Variants in CD8B observed in about 807,000 individuals in gnomAD.
The protein encoded by CD8B is CD8 subunit beta, also known as T-cell surface glycoprotein CD8 beta chain.
A neutral mutation model predicts 24.2 loss-of-function variants in CD8B; 6 were observed. The ratio of observed to expected loss-of-function variants is 0.25; its 90% CI spans 0.14 to 0.49. The LOEUF is 0.49. Ranked by LOEUF, CD8B falls within the 20% of genes least tolerant of loss-of-function variation. The probability of loss-of-function intolerance (pLI) is 0.98; values close to 1 mark genes in which losing one functional copy is unlikely to be tolerated. For synonymous variants in CD8B, 84 were observed against 108.3 expected (o/e 0.78, Z 1.39); for missense variants, 196 against 271.3 (o/e 0.72, Z 1.95).
At chr2:86,847,627 G>A (rs1167917044) in intron 3 of CD8B, among the ~76,000 whole-genome samples, 5 of 151,954 alleles carry the variant, frequency 3.3e-5, no homozygotes, top group African/African-American at 1.2e-4. Flanking sequence ...GTGCAGTGGC[G>A]CAATCTTGGC....
At chr2:86,821,568 G>A in intron 5 of CD8B, among the ~76,000 whole-genome samples, 1 of 152,196 alleles carries the variant, frequency 6.6e-6, no homozygotes, top group African/African-American at 2.4e-5. Context: ...TGGGGCACAG[G>A]CCGAGTTCGG....
chr2:86,834,491 A>T (rs1298873136), downstream of CD8B, among the ~76,000 whole-genome samples: 1 of 101,478 alleles, frequency 9.9e-6, no homozygotes, highest in Non-Finnish European at 2.4e-5. Context: ...CACACACAAA[A>T]GTCTTAACTG....
At chr2:86,861,369 C>T (rs1676579762) in intron 1 of CD8B, among the ~76,000 whole-genome samples, 1 of 152,076 alleles carries the variant, frequency 6.6e-6, no homozygotes, top group East Asian at 1.9e-4. Flanking sequence ...GAACTGAGAA[C>T]GCCCGATGTT....
chr2:86,828,433 T>G (rs978178473), intron 5 of CD8B, among the ~76,000 whole-genome samples: 5 of 152,140 alleles, frequency 3.3e-5, no homozygotes, highest in Admixed American at 1.3e-4. Context: ...AAAATTTTTG[T>G]TATTTGATGA....
At chr2:86,829,622 G>A (rs1008348840) in intron 5 of CD8B, among the ~76,000 whole-genome samples, 6 of 152,158 alleles carry the variant, frequency 3.9e-5, no homozygotes, top group East Asian at 1.9e-4. Context: ...CAACCTTGGC[G>A]TTATTAATAC....
chr2:86,842,860 A>T (rs1172177101), intron 5 of CD8B, among the ~76,000 whole-genome samples: 3 of 152,186 alleles, frequency 2.0e-5, no homozygotes, highest in Non-Finnish European at 4.4e-5. Context: ...CAAAATGAAG[A>T]GAGTGAGGAG....
chr2:86,818,109 C>A (rs1185858917), intron 5 of CD8B, among the ~76,000 whole-genome samples: 1 of 152,038 alleles, frequency 6.6e-6, no homozygotes. Flanking sequence ...ACTCAGGAGG[C>A]TGAGGCAGGA....
chr2:86,823,221 A>G (rs1187116340), intron 5 of CD8B, among the ~76,000 whole-genome samples: 4 of 152,162 alleles, frequency 2.6e-5, no homozygotes, highest in African/African-American at 9.7e-5. Context: ...TCCTGCAAGT[A>G]GAATCATACT....
At chr2:86,834,886 A>C (rs1197888255), downstream of CD8B, among the ~76,000 whole-genome samples, 3 of 149,544 alleles carry the variant, frequency 2.0e-5, no homozygotes, top group Non-Finnish European at 4.4e-5. Context: ...CAGTGAGCCA[A>C]GATCGTGCCA....
chr2:86,833,900 C>G (rs1481189389), downstream of CD8B, among the ~76,000 whole-genome samples: 2 of 152,004 alleles, frequency 1.3e-5, no homozygotes, highest in African/African-American at 4.8e-5. Flanking sequence ...CCGCCCACCT[C>G]AGCCTCCCAA....
chr2:86,822,198 A>G, intron 5 of CD8B: 2 of 582,900 alleles, frequency 3.4e-6, no homozygotes, highest in South Asian at 5.0e-5. Flanking sequence ...AAATTATATC[A>G]GTGCTGAAAA....
At position 86,861,818 on chromosome 2, in the gene CD8B, C is replaced by T; in HGVS notation, c.43+5G>A. On this transcript the variant is annotated splice_donor_5th_base_variant and intron_variant, in intron 1 of 5. Transcript: ENST00000390655. ...CCTTGGGTAGCCCGCGCGCCGCCGCCTTACCTGTCAGCTGCGCGGCCAAGA... is the reference window on the plus strand; with the variant it reads ...CCTTGGGTAGCCCGCGCGCCGCCGCTTTACCTGTCAGCTGCGCGGCCAAGA... The T allele has an allele frequency of 1.6e-6, 2 of 1,276,492 alleles. No homozygotes were observed. Among genetic ancestry groups the T allele is most frequent in the South Asian group, 5.6e-5 (2 of 35,648 alleles). 79.1% of individuals were successfully genotyped at this position (1,276,492 alleles called of 1,614,324 possible).
At chr2:86,836,540 C>G (rs939514535), downstream of CD8B, among the ~76,000 whole-genome samples, 1 of 152,214 alleles carries the variant, frequency 6.6e-6, no homozygotes, top group Non-Finnish European at 1.5e-5. Flanking sequence ...AATCCCAACA[C>G]TTTGAGAGGC....
intron 5 of CD8B, among the ~76,000 whole-genome samples, chr2:86,829,101 T>TTTTTTTTC (rs1674807266): frequency 7.2e-6 from 1 of 138,462 alleles, no homozygotes; most frequent in East Asian, 2.1e-4. Context: ...TTTACTTTTT[T>TTTTTTTTC]TTTTTTTTTT....
intron 5 of CD8B, chr2:86,822,235 GAAAA>G: frequency 6.9e-6 from 4 of 579,980 alleles, no homozygotes; most frequent in Non-Finnish European, 5.7e-6. Context: ...ACCCCAGCAG[GAAAA>G]AAAAAAAAGA....
Position 86,841,990 on chromosome 2 carries a change from C to A in CD8B, c.*317G>T, listed in dbSNP as rs548534833. On this transcript the variant is annotated 3_prime_UTR_variant, in exon 6 of 6. Transcript: ENST00000390655. ...AAAGATGGTGGCTAAATGGCCACCA[C>A]TAAAGGTCCCAGTTCAGGGAAAGCA... 4.5e-6 allele frequency: 5 copies of A among 1,117,264 alleles called. No homozygotes were observed. The highest frequency in any genetic ancestry group is 5.5e-6 in the Non-Finnish European group (5 of 914,958). The allele number at this position is 1,117,264 out of a possible 1,614,324, so 69.2% of individuals were successfully genotyped here. A position where few individuals can be genotyped will look rare whatever the true frequency, so the allele number is the denominator to read the frequency against.
intron 3 of CD8B, among the ~76,000 whole-genome samples, chr2:86,849,956 G>A (rs1675896487): frequency 6.6e-6 from 1 of 152,136 alleles, no homozygotes; most frequent in South Asian, 2.1e-4. Flanking sequence ...CACCAGCTTT[G>A]GCCTCCCAAA....
chr2:86,821,311 G>T (rs893784102), intron 5 of CD8B, among the ~76,000 whole-genome samples: 1 of 152,118 alleles, frequency 6.6e-6, no homozygotes, highest in African/African-American at 2.4e-5. Context: ...ATCAAATGTG[G>T]TGTGATTTCT....
intron 2 of CD8B, among the ~76,000 whole-genome samples, chr2:86,857,456 C>T (rs1449463977): frequency 1.7e-4 from 26 of 152,120 alleles, no homozygotes; most frequent in African/African-American, 5.8e-4. Flanking sequence ...TGGTGGCTCA[C>T]GCCTGTAATC....
Sources: gnomAD v4.1 joint callset for allele counts (sites outside exome capture counted in the v4.1 genomes callset) on GRCh38, gnomAD v4.1.1 for gene constraint, MANE v1.5 for transcripts, NCBI Gene and HGNC (gene_info 2026-07-23, HGNC 2026-07-21) for gene names.